The following SETX variants were observed in gnomAD, a reference collection of about 807,000 sequenced individuals.
SETX encodes senataxin.
A neutral mutation model predicts 227.2 loss-of-function variants in SETX; 90 were observed. The observed-to-expected ratio is 0.40, with a 90% CI of 0.33 to 0.47. The LOEUF (loss-of-function observed/expected upper bound fraction) is 0.47, where lower values mean the gene tolerates loss of function less well. Ranked by LOEUF, SETX falls within the 20% of genes least tolerant of loss-of-function variation. SETX has a pLI of 0.91. For missense variants in SETX, 3,052 were observed against 3,181.5 expected (o/e 0.96, Z 0.98); for synonymous variants, 1,210 against 1,113.2 (o/e 1.09, Z -1.73).
chr9:132,279,757 T>C (rs537266331), intron 20 of SETX, among the ~76,000 whole-genome samples: 2 of 152,330 alleles, frequency 1.3e-5, no homozygotes, highest in Admixed American at 6.5e-5. Context: ...AAGGAAGTTA[T>C]GTAAGGTAAC....
chr9:132,311,575 A>T (rs1446156701), intron 11 of SETX, among the ~76,000 whole-genome samples, 182 bp downstream of exon 11: 1 of 152,124 alleles, frequency 6.6e-6, no homozygotes, highest in African/African-American at 2.4e-5. Flanking sequence ...AAAAATCATA[A>T]ATTTTACATT....
intron 15 of SETX, among the ~76,000 whole-genome samples, chr9:132,293,728 A>C (rs73547013): frequency 0.087 from 13,023 of 149,696 alleles, 841 homozygotes; most frequent in African/African-American, 0.18. Context: ...CCTGCTAATT[A>C]AAAAAAAAAT....
At chr9:132,297,749 A>G (rs1295651080) in intron 13 of SETX, among the ~76,000 whole-genome samples, 3 of 152,238 alleles carry the variant, frequency 2.0e-5, no homozygotes, top group Non-Finnish European at 4.4e-5. Context: ...ATTTCCAACA[A>G]TACCGGCCAA....
In SETX at chr9:132,327,537, A is replaced by C; in HGVS notation, c.4061T>G (p.Ile1354Ser). ...TSQELQMQRQ[I>S]RPKSQKNRRR... is the part of the protein sequence containing the mutation. ...TCTATTTTTTTGTGATTTGGGTCTG[A>C]TCTGCCTTTGCATCTGAAGTTCTTG... The change falls in exon 10 of 26, where the codon ATC (isoleucine) becomes AGC (serine). Residue 1354 changes from isoleucine to serine, a missense_variant. Ile to Ser is a moderately radical substitution (Grantham distance 142, BLOSUM62 -2). Coordinates refer to ENST00000224140, the MANE Select transcript of SETX (RefSeq NM_015046.7). The C allele has an allele frequency of 6.2e-7, 1 of 1,614,072 alleles. No homozygotes were observed. The highest frequency in any genetic ancestry group is 8.5e-7 in the Non-Finnish European group (1 of 1,180,040).
At chr9:132,281,084 C>CT (rs1843474602) in intron 20 of SETX, among the ~76,000 whole-genome samples, 1 of 152,116 alleles carries the variant, frequency 6.6e-6, no homozygotes, top group Non-Finnish European at 1.5e-5. Flanking sequence ...GGATTCTTCT[C>CT]TTTATTTCTG....
At chr9:132,310,621 T>C (rs1845592097) in intron 11 of SETX, among the ~76,000 whole-genome samples, 2 of 152,198 alleles carry the variant, frequency 1.3e-5, no homozygotes, top group South Asian at 4.1e-4. Flanking sequence ...TACTAAACCA[T>C]GTGTGAAAAT....
At chr9:132,331,160 A>G in intron 8 of SETX, 21 bp from the exon 9 acceptor site, 3 of 1,610,024 alleles carry the variant, frequency 1.9e-6, no homozygotes, top group Non-Finnish European at 1.7e-6. Context: ...AAGAATAAAT[A>G]GAAATTACTG....
At chr9:132,284,248 T>C (rs924118260) in intron 18 of SETX, among the ~76,000 whole-genome samples, 1 of 152,210 alleles carries the variant, frequency 6.6e-6, no homozygotes, top group Non-Finnish European at 1.5e-5. Flanking sequence ...ACACATGTGA[T>C]GAGCAGCAAA....
Position 132,343,045 on chromosome 9 carries a change from C to T in SETX, c.389-246G>A, listed in dbSNP as rs1024072430. 6.2e-4 allele frequency among the ~76,000 whole-genome samples: 94 copies of T among 151,976 alleles called. 1 individual carries two copies. The highest frequency in any genetic ancestry group is 2.1e-3 in the African/African-American group (89 of 41,518). ...TAGAATAGATCCCTTTTTTGCCGGG[C>T]GCGGTGGCTCACACCTGTAATCCCA... is the stretch of plus-strand genomic sequence containing the variant. On this transcript the variant is annotated intron_variant, in intron 4 of 25. Transcript: ENST00000224140.
chr9:132,300,626 T>C lies in SETX; in HGVS notation c.5548+4A>G. 6.2e-7 allele frequency: 1 copy of C among 1,613,446 alleles called. No homozygotes were observed. The highest frequency in any genetic ancestry group is 2.2e-5 in the East Asian group (1 of 44,794). ...TTCCTGTCAATGCCTCATTATTTAC[T>C]TACTGACTGACGTGCGGCGAAATTT... On this transcript the variant is annotated splice_donor_region_variant and intron_variant, in intron 12 of 25. Transcript: ENST00000224140.
intron 7 of SETX, among the ~76,000 whole-genome samples, chr9:132,333,969 G>C (rs1589755801): frequency 6.6e-6 from 1 of 151,990 alleles, no homozygotes; most frequent in Non-Finnish European, 1.5e-5. Context: ...GAACCACAGA[G>C]AAACAAAGAG....
chr9:132,334,616 T>A lies in SETX; in HGVS notation c.830A>T (p.Glu277Val), dbSNP rs1847473224. 6.2e-7 allele frequency: 1 copy of A among 1,613,960 alleles called. No homozygotes were observed. The highest frequency in any genetic ancestry group is 8.5e-7 in the Non-Finnish European group (1 of 1,179,992). Reference protein sequence around the residue: ...MQSILHTMEREADDDSVDPFW... With the variant: ...MQSILHTMERVADDDSVDPFW... Reference sequence around the variant, plus strand: ...CAAGTAAAGTTTATTACCATCTGCTTCCCTCTCCATAGTGTGAAGTATCGA... The same window carrying A: ...CAAGTAAAGTTTATTACCATCTGCTACCCTCTCCATAGTGTGAAGTATCGA... Residue 277 changes from glutamate to valine, a missense_variant, in exon 7 of 26, where the codon GAA becomes GTA. Physicochemically the swap from Glu to Val is moderately radical, Grantham distance 121. Transcript: ENST00000224140.
intron 15 of SETX, among the ~76,000 whole-genome samples, chr9:132,290,866 A>G (rs1047710727): frequency 4.0e-5 from 6 of 150,814 alleles, no homozygotes; most frequent in African/African-American, 1.5e-4. Flanking sequence ...ATAAATAAAT[A>G]TTCCCCACTA....
At position 132,328,742 on chromosome 9, in the gene SETX, G is replaced by A; in HGVS notation, c.2856C>T (p.Thr952=). 6.2e-7 allele frequency: 1 copy of A among 1,613,188 alleles called. No homozygotes were observed. The highest frequency in any genetic ancestry group is 2.2e-5 in the East Asian group (1 of 44,868). The stretch of plus-strand genomic sequence containing the variant: ...CTCTGTCTATCTGAGAATCCGTTAA[G>A]GTGTCAGATTTAGGACTGATGTCAG... ...QAPDISPKSD[T]LTDSQIDRDL... is the part of the protein sequence containing the mutation. The change falls in exon 10 of 26, where the codon ACC becomes ACT. Residue 952 remains threonine, a synonymous_variant. Coordinates refer to ENST00000224140, the MANE Select transcript of SETX (RefSeq NM_015046.7).
chr9:132,271,610 G>A (rs1842905594), intron 24 of SETX, 100 bp downstream of exon 24: 1 of 1,009,244 alleles, frequency 9.9e-7, no homozygotes, highest in Admixed American at 1.7e-5. Flanking sequence ...AATTAAAAAA[G>A]CAAATGGTGT....
At chr9:132,300,488 C>T (rs754131876) in intron 12 of SETX, 142 bp downstream of exon 12, 17 of 830,134 alleles carry the variant, frequency 2.0e-5, no homozygotes, top group Non-Finnish European at 3.4e-5. Context: ...AGAAAAGAGA[C>T]TCTGAATGGC....
chr9:132,266,780 A>C (rs1255946303), intron 25 of SETX, among the ~76,000 whole-genome samples: 2 of 151,962 alleles, frequency 1.3e-5, no homozygotes, highest in Non-Finnish European at 2.9e-5. Flanking sequence ...TCAAAAAAAA[A>C]CCCCCAAAAA....
Position 132,283,331 on chromosome 9 carries a change from C to G in SETX, c.6479G>C (p.Gly2160Ala). 2 of 1,614,146 alleles carry G rather than the reference C, an allele frequency of 1.2e-6. No individual in the cohort carries two copies. The highest frequency in any genetic ancestry group is 1.7e-6 in the Non-Finnish European group (2 of 1,180,014). The change falls in exon 19 of 26, where the codon GGT becomes GCT. Residue 2160 changes from glycine (G) to alanine (A), a missense_variant. Around this residue, in one of 10 missense-constraint regions of SETX, gnomAD observed 412 missense variants for 589.0 expected, o/e 0.70. Coordinates refer to ENST00000224140, the MANE Select transcript of SETX (RefSeq NM_015046.7). ...ACGGAAAGCAGACTCAAGTAGTAAA[C>G]CACCACTTGTGCTCAACGTGCAGCA... ...IICCTLSTSG[G>A]LLLESAFRGQ...
rs558790410 is a variant in SETX, at chr9:132,308,943, A to G, written c.5374+2814T>C. Among the ~76,000 whole-genome samples the G allele has an allele frequency of 7.9e-5, 12 of 152,286 alleles. No individual in the cohort carries two copies. In the South Asian group the frequency reaches 2.5e-3, roughly 32 times the overall value. ...AACTTGAGGCCAGGAGCTTCAGACC[A>G]GCCTGGCCAATAGGTGAAACCCCGT... is the stretch of plus-strand genomic sequence containing the variant. On this transcript the variant is annotated intron_variant, in intron 11 of 25. Coordinates refer to ENST00000224140, the MANE Select transcript of SETX (RefSeq NM_015046.7).
Sources: gnomAD v4.1 joint callset for allele counts (sites outside exome capture counted in the v4.1 genomes callset) on GRCh38, gnomAD v4.1.1 for gene constraint, gnomAD v4.1.1 regional missense constraint, MANE v1.5 for transcripts, NCBI Gene and HGNC (gene_info 2026-07-23, HGNC 2026-07-21) for gene names.